The following TAFA2 variants were observed in gnomAD, a reference collection of about 807,000 sequenced individuals.
TAFA2 encodes chemokine-like protein TAFA-2.
TAFA2 carries 7 observed loss-of-function variants against 18.8 expected under a neutral mutation model. The ratio of observed to expected loss-of-function variants is 0.37; its 90% CI spans 0.21 to 0.70. The LOEUF is 0.70. Among genes scored for constraint, TAFA2 ranks in the 30% least tolerant of loss-of-function variants. The pLI is 0.53. For missense variants in TAFA2, 122 were observed against 158.1 expected (o/e 0.77, Z 1.23); for synonymous variants, 60 against 54.2 (o/e 1.11, Z -0.47).
chr12:61,740,705 C>CA (rs539165387), intron 4 of TAFA2, among the ~76,000 whole-genome samples: 9 of 149,530 alleles, frequency 6.0e-5, no homozygotes, highest in South Asian at 2.1e-4. Context: ...TTTTTAGATG[C>CA]AAAAAAAAAG....
chr12:62,026,033 T>A (rs1009688435), intron 1 of TAFA2, among the ~76,000 whole-genome samples: 1 of 152,106 alleles, frequency 6.6e-6, no homozygotes. Flanking sequence ...ACCCAATCAA[T>A]GAGGATCGTT....
intron 1 of TAFA2, among the ~76,000 whole-genome samples, chr12:62,162,717 T>C (rs1002744172): frequency 6.6e-6 from 1 of 152,134 alleles, no homozygotes; most frequent in Non-Finnish European, 1.5e-5. Flanking sequence ...GGATTCCCCA[T>C]TGATATCTGA....
chr12:61,782,244 C>T (rs1293566894), intron 2 of TAFA2, among the ~76,000 whole-genome samples: 2 of 151,662 alleles, frequency 1.3e-5, no homozygotes, highest in East Asian at 2.0e-4. Flanking sequence ...TCGTTATACC[C>T]GCCTCCCTTT....
At chr12:61,718,612 A>G (rs1869763105) in intron 4 of TAFA2, among the ~76,000 whole-genome samples, 1 of 152,196 alleles carries the variant, frequency 6.6e-6, no homozygotes, top group Non-Finnish European at 1.5e-5. Flanking sequence ...GCCTCAAGGA[A>G]ATCTTAGCAG....
chr12:62,004,337 A>G (rs79000854), intron 1 of TAFA2, among the ~76,000 whole-genome samples: 9,808 of 152,246 alleles, frequency 0.064, 407 homozygotes, highest in Non-Finnish European at 0.1. Flanking sequence ...CCCTGTTACA[A>G]GTGGATCACC....
At chr12:61,721,030 C>T (rs1300731311) in intron 4 of TAFA2, 1 of 459,814 alleles carries the variant, frequency 2.2e-6, no homozygotes, top group East Asian at 6.3e-5. Flanking sequence ...GACAACAAGA[C>T]AATAATGTCC....
chr12:62,118,837 TC>T, intron 1 of TAFA2, among the ~76,000 whole-genome samples: 1 of 152,294 alleles, frequency 6.6e-6, no homozygotes, highest in South Asian at 2.1e-4. Flanking sequence ...TTTTTTGTGC[TC>T]TTAACACCAA....
Position 61,801,716 on chromosome 12 carries a change from A to C in TAFA2, c.107-46692T>G, listed in dbSNP as rs116799123. Among the ~76,000 whole-genome samples the C allele has an allele frequency of 6.2e-3, 942 of 152,238 alleles. 3 individuals carry two copies. Among genetic ancestry groups the C allele is most frequent in the African/African-American group, 0.022 (897 of 41,558 alleles). On this transcript the variant is annotated intron_variant, in intron 2 of 4. Coordinates refer to ENST00000416284, the MANE Select transcript of TAFA2 (RefSeq NM_178539.5). ...TGGTTGAGCCAAAGATTTTATGGGT[A>C]AGACTTCAAAACCACAGGCAACATA...
chr12:62,199,844 A>G lies in TAFA2; in HGVS notation c.-130+58919T>C, dbSNP rs146749298. Among the ~76,000 whole-genome samples the G allele has an allele frequency of 7.1e-3, 1,085 of 152,256 alleles. 9 individuals are homozygous for G. The highest frequency in any genetic ancestry group is 0.024 in the African/African-American group (1,009 of 41,540). On this transcript the variant is annotated intron_variant, in intron 1 of 5. Transcript: ENST00000551619. ...AGGAATCACCACATTGTCTTCCACA[A>G]TGGTTGAACTAATTTACATTCCCAC...
At chr12:62,119,900 C>T (rs572374936) in intron 1 of TAFA2, among the ~76,000 whole-genome samples, 2 of 151,882 alleles carry the variant, frequency 1.3e-5, no homozygotes, top group African/African-American at 4.8e-5. Context: ...ATGGAGAAAC[C>T]CTATCTCTAC....
chr12:61,809,102 G>T (rs1288195863), intron 2 of TAFA2, among the ~76,000 whole-genome samples: 1 of 151,530 alleles, frequency 6.6e-6, no homozygotes, highest in Non-Finnish European at 1.5e-5. Flanking sequence ...GAAAGTGTGT[G>T]TGCGTGCATG....
intron 1 of TAFA2, among the ~76,000 whole-genome samples, chr12:62,029,612 T>TA (rs1881398714): frequency 7.9e-6 from 1 of 126,714 alleles, no homozygotes; most frequent in African/African-American, 3.0e-5. Context: ...ATTACTTTTT[T>TA]AAAAAAGCCA....
At chr12:61,757,931 G>T (rs1421316346) in intron 2 of TAFA2, among the ~76,000 whole-genome samples, 1 of 152,014 alleles carries the variant, frequency 6.6e-6, no homozygotes, top group Non-Finnish European at 1.5e-5. Context: ...GTAACTACTT[G>T]ATCTTGGTAC....
At chr12:62,179,464 T>C (rs1460525796) in intron 1 of TAFA2, among the ~76,000 whole-genome samples, 1 of 152,222 alleles carries the variant, frequency 6.6e-6, no homozygotes, top group Non-Finnish European at 1.5e-5. Context: ...CAGTAATTTT[T>C]TTCCAAGGGC....
chr12:61,888,159 G>A (rs568673929), intron 1 of TAFA2, among the ~76,000 whole-genome samples: 258 of 152,208 alleles, frequency 1.7e-3, no homozygotes, highest in Non-Finnish European at 2.6e-3. Context: ...AACCATTGTG[G>A]AAGTCAATGT....
intron 2 of TAFA2, among the ~76,000 whole-genome samples, chr12:61,774,033 G>T (rs2120855053): frequency 6.6e-6 from 1 of 151,954 alleles, no homozygotes; most frequent in Non-Finnish European, 1.5e-5. Flanking sequence ...CAAAAAGTCG[G>T]CTAGGGGCAT....
At position 61,735,295 on chromosome 12, in the gene TAFA2, G is replaced by T. The variant is rs574651795; in HGVS notation, c.384+18327C>A. ...TTTTCCATTTTTCTTAATTCTTATA[G>T]TTTGGATGTATTTCTGTTAAACAGC... On this transcript the variant is annotated intron_variant, in intron 4 of 4. Transcript: ENST00000416284. 3.3e-5 allele frequency among the ~76,000 whole-genome samples: 5 copies of T among 151,964 alleles called. No individual in the cohort carries two copies. In the South Asian group the frequency reaches 1.0e-3, roughly 32 times the overall value.
upstream of TAFA2, chr12:62,259,474 C>G (rs1286495706): frequency 6.6e-6 from 1 of 152,224 alleles, no homozygotes; most frequent in Non-Finnish European, 1.5e-5. Flanking sequence ...AGCCTCTCCA[C>G]TCACCTCTCC....
chr12:61,735,897 T>C (rs1299023444), intron 4 of TAFA2, among the ~76,000 whole-genome samples: 1 of 152,016 alleles, frequency 6.6e-6, no homozygotes, highest in Non-Finnish European at 1.5e-5. Context: ...GCCATAATCT[T>C]TCCAGAGAAG....
Sources: allele counts gnomAD v4.1 joint callset (sites outside exome capture counted in the v4.1 genomes callset), GRCh38; gene constraint gnomAD v4.1.1; transcripts MANE v1.5; gene names NCBI Gene and HGNC (gene_info 2026-07-23, HGNC 2026-07-21).